MLLT3: variants seen among roughly 807,000 people sequenced by gnomAD.
The protein encoded by MLLT3 is protein AF-9.
Under a neutral mutation model 53.2 loss-of-function variants are expected in MLLT3, and 4 were observed. The ratio of observed to expected loss-of-function variants is 0.08; its 90% CI spans 0.04 to 0.17. The LOEUF (loss-of-function observed/expected upper bound fraction) is 0.17. MLLT3 is among the 10% of genes least tolerant of loss of function. The pLI, the probability that MLLT3 is intolerant of heterozygous loss-of-function variation, is 1.00. For synonymous variants in MLLT3, 283 were observed against 230.6 expected (o/e 1.23, Z -2.06); for missense variants, 569 against 684.0 (o/e 0.83, Z 1.87).
intron 2 of MLLT3, among the ~76,000 whole-genome samples, chr9:20,580,675 G>A (rs1481251071): frequency 6.6e-6 from 1 of 152,144 alleles, no homozygotes; most frequent in African/African-American, 2.4e-5. Flanking sequence ...TTTCACATAG[G>A]CATGGCTTAT....
intron 5 of MLLT3, among the ~76,000 whole-genome samples, chr9:20,404,044 C>G (rs900202769): frequency 6.6e-6 from 1 of 152,144 alleles, no homozygotes; most frequent in Non-Finnish European, 1.5e-5. Flanking sequence ...TGGTCTTGAA[C>G]TCCTAGACTC....
At chr9:20,550,741 A>C (rs1408522296) in intron 2 of MLLT3, among the ~76,000 whole-genome samples, 2 of 151,894 alleles carry the variant, frequency 1.3e-5, no homozygotes, top group Admixed American at 6.6e-5. Context: ...AATATGTTAC[A>C]AAGTCTTATT....
At chr9:20,612,048 C>A (rs962960711) in intron 2 of MLLT3, among the ~76,000 whole-genome samples, 27 of 152,062 alleles carry the variant, frequency 1.8e-4, no homozygotes, top group African/African-American at 6.0e-4. Context: ...CCATGGTTAC[C>A]ACCACTTAAT....
At chr9:20,579,143 G>A (rs1269306980) in intron 2 of MLLT3, among the ~76,000 whole-genome samples, 1 of 152,148 alleles carries the variant, frequency 6.6e-6, no homozygotes, top group Non-Finnish European at 1.5e-5. Flanking sequence ...AAGTGCAGGA[G>A]GATTGCTTGA....
intron 2 of MLLT3, among the ~76,000 whole-genome samples, chr9:20,585,203 G>A (rs1485640867): frequency 2.6e-5 from 4 of 152,108 alleles, no homozygotes; most frequent in Non-Finnish European, 5.9e-5. Context: ...CTTGTAGATG[G>A]CCAACTTCTC....
intron 5 of MLLT3, among the ~76,000 whole-genome samples, chr9:20,369,319 G>A (rs147349887): frequency 6.6e-6 from 1 of 152,198 alleles, no homozygotes; most frequent in Non-Finnish European, 1.5e-5. Flanking sequence ...TACAGGATGA[G>A]GCCACTGATT....
chr9:20,484,052 C>A (rs758236697), intron 2 of MLLT3, among the ~76,000 whole-genome samples: 1 of 151,978 alleles, frequency 6.6e-6, no homozygotes, highest in African/African-American at 2.4e-5. Flanking sequence ...AGATATATTC[C>A]ACTTTCAGAG....
intron 2 of MLLT3, among the ~76,000 whole-genome samples, chr9:20,581,973 G>A (rs915450820): frequency 3.3e-4 from 50 of 151,982 alleles, no homozygotes; most frequent in Admixed American, 2.9e-3. Context: ...CAATCCAGCC[G>A]CAATGAAAAA....
rs1340430096 is a variant in MLLT3 at position 20,570,519 on chromosome 9, T to C, written c.193+50135A>G. On this transcript the variant is annotated intron_variant, in intron 2 of 10. Transcript: ENST00000380338. ...TTCTTAAGCTACTTACATCAAACTA[T>C]TTTTGTTTAAATGAGATTTCTGGAA... is the stretch of plus-strand genomic sequence containing the variant. Among the ~76,000 whole-genome samples, 3 of 152,222 alleles carry C rather than the reference T, an allele frequency of 2.0e-5. No homozygotes were observed. In the South Asian group the frequency reaches 6.2e-4, roughly 31 times the overall value.
Position 20,413,971 on chromosome 9 carries a change from T to C in MLLT3, c.875A>G (p.Glu292Gly). The C allele has an allele frequency of 6.2e-7, 1 of 1,614,050 alleles. No individual in the cohort carries two copies. ...CTTTTTCCTTTTTTTGGCTGAGAGT[T>C]CTTCAGAATCTGAAATGGGCGGCCT... ...SKRPPISDSE[E>G]LSAKKRKKSS... The change falls in exon 5 of 11, where the codon GAA (glutamate) becomes GGA (glycine). Residue 292 changes from glutamate to glycine, a missense_variant. Physicochemically the swap from Glu to Gly is moderately conservative, Grantham distance 98. Around this residue, in one of 5 missense-constraint regions of MLLT3, gnomAD observed 437 missense variants for 376.5 expected, o/e 1.16. Transcript: ENST00000380338.
intron 2 of MLLT3, among the ~76,000 whole-genome samples, chr9:20,501,774 A>C (rs1184654634): frequency 2.0e-5 from 3 of 148,248 alleles, no homozygotes; most frequent in Non-Finnish European, 4.5e-5. Context: ...AAAAAAAAAA[A>C]AAAAAAAAAA....
intron 2 of MLLT3, among the ~76,000 whole-genome samples, chr9:20,503,512 C>T (rs930261246): frequency 2.6e-5 from 4 of 152,100 alleles, no homozygotes; most frequent in Non-Finnish European, 5.9e-5. Flanking sequence ...TGAAATTCGA[C>T]CCTTACTTCA....
At chr9:20,494,824 T>C (rs1306282619) in intron 2 of MLLT3, among the ~76,000 whole-genome samples, 2 of 152,194 alleles carry the variant, frequency 1.3e-5, no homozygotes, top group South Asian at 2.1e-4. Context: ...TAATTTCATA[T>C]ATATTAAAAC....
chr9:20,365,134 C>T (rs963373080), intron 6 of MLLT3, among the ~76,000 whole-genome samples: 4 of 152,148 alleles, frequency 2.6e-5, no homozygotes, highest in Non-Finnish European at 5.9e-5. Flanking sequence ...TGGGCTGTGT[C>T]TATAATCCTT....
intron 2 of MLLT3, among the ~76,000 whole-genome samples, chr9:20,506,367 TG>T (rs1825381582): frequency 2.6e-5 from 4 of 152,102 alleles, no homozygotes; most frequent in African/African-American, 9.7e-5. Flanking sequence ...AACTGGCTGA[TG>T]AGCTTCCTGG....
chr9:20,475,352 CT>C (rs1824494358), intron 2 of MLLT3, among the ~76,000 whole-genome samples: 1 of 152,076 alleles, frequency 6.6e-6, no homozygotes, highest in African/African-American at 2.4e-5. Context: ...CTCTTAACAA[CT>C]TTTCACAAAG....
At chr9:20,555,413 C>T (rs531862774) in intron 2 of MLLT3, among the ~76,000 whole-genome samples, 1 of 152,202 alleles carries the variant, frequency 6.6e-6, no homozygotes, top group Non-Finnish European at 1.5e-5. Flanking sequence ...ACCCAAAGTC[C>T]TAGGATTACA....
chr9:20,353,565 C>T lies in MLLT3; in HGVS notation c.1535G>A (p.Arg512Lys). The T allele has an allele frequency of 1.2e-6, 2 of 1,614,180 alleles. No homozygotes were observed. Among genetic ancestry groups the T allele is most frequent in the Non-Finnish European group, 1.7e-6 (2 of 1,179,998 alleles). The part of the protein sequence containing the change: ...AYLDELVELH[R>K]RLMTLRERHI... ...TCTTTCTCTCAATGTCATTAACCTT[C>T]TGTGAAGCTCTACCAGTTCATCTAG... Residue 512 changes from arginine to lysine, a missense_variant, in exon 10 of 11, where the codon AGA becomes AAA. Physicochemically the swap from Arg to Lys is conservative, Grantham distance 26. Transcript: ENST00000380338.
At chr9:20,456,986 G>A (rs1202567276) in intron 2 of MLLT3, among the ~76,000 whole-genome samples, 200 bp from the exon 3 acceptor site, 1 of 152,020 alleles carries the variant, frequency 6.6e-6, no homozygotes, top group African/African-American at 2.4e-5. Context: ...ATGTAAAGCA[G>A]ATATGTAAGT....
Sources: allele counts gnomAD v4.1 joint callset (sites outside exome capture counted in the v4.1 genomes callset), GRCh38; gene constraint gnomAD v4.1.1; regional missense constraint gnomAD v4.1.1; transcripts MANE v1.5; gene names NCBI Gene and HGNC (gene_info 2026-07-23, HGNC 2026-07-21).